Variants in GAB3 observed in about 807,000 individuals in gnomAD.
The protein encoded by GAB3 is GRB2-associated-binding protein 3.
Under a neutral mutation model 40.4 loss-of-function variants are expected in GAB3, and 12 were observed. That is an observed-to-expected ratio of 0.30 (90% CI 0.19 to 0.48). The LOEUF is 0.48. Ranked by LOEUF, GAB3 falls within the 20% of genes least tolerant of loss-of-function variation. The pLI is 0.99. For synonymous variants in GAB3, 154 were observed against 176.7 expected, an observed-to-expected ratio of 0.87 and a Z score of 1.02; for missense variants, 381 against 461.9, an observed-to-expected ratio of 0.82 and a Z score of 1.61.
rs2070300394 is a variant in GAB3 at position 154,676,571 on chromosome X, T to C, written c.*1607A>G. 1 of 112,122 alleles carries C rather than the reference T, an allele frequency of 8.9e-6. No individual in the cohort carries two copies. The highest frequency in any genetic ancestry group is 1.9e-5 in the Non-Finnish European group (1 of 53,218). The allele number at this position is 112,122 out of a possible 1,213,427, so 9.2% of individuals were successfully genotyped here. On this transcript the variant is annotated 3_prime_UTR_variant, in exon 10 of 10. Transcript: ENST00000424127. ...CCACTTTGTCCAAGGAAGAAAATAA[T>C]GTCACCAGAACCTGCTTCTTTGAAA...
rs1557245903 is a variant in GAB3 at position 154,677,838 on chromosome X, A to T, written c.*340T>A. 7.2e-6 allele frequency: 2 copies of T among 276,028 alleles called. No homozygotes were observed. The highest frequency in any genetic ancestry group is 5.6e-5 in the African/African-American group (2 of 35,808). 22.7% of individuals were successfully genotyped at this position (276,028 alleles called of 1,213,427 possible). A position where few individuals can be genotyped will look rare whatever the true frequency, so the allele number is the denominator to read the frequency against. Reference sequence around the variant, plus strand: ...TAATTTATCATTCTCATTGAAGCACAGGAGAGAAGTCAGAATTTCAGGTAT... The same window carrying T: ...TAATTTATCATTCTCATTGAAGCACTGGAGAGAAGTCAGAATTTCAGGTAT... On this transcript the variant is annotated 3_prime_UTR_variant, in exon 10 of 10. Transcript: ENST00000424127.
intron 1 of GAB3, among the ~76,000 whole-genome samples, chrX:154,746,917 T>A (rs2071537451): frequency 8.9e-6 from 1 of 112,941 alleles, no homozygotes; most frequent in Non-Finnish European, 1.9e-5. Context: ...AAAGCTACAG[T>A]CATTAGTCAT....
chrX:154,697,065 A>T (rs1258730690), intron 7 of GAB3, 67 bp downstream of exon 7: 12 of 911,864 alleles, frequency 1.3e-5, no homozygotes, highest in Non-Finnish European at 1.9e-5. Context: ...AACTACATTT[A>T]ATCAGAGGCC....
At chrX:154,689,567 G>C (rs1386882313) in intron 8 of GAB3, among the ~76,000 whole-genome samples, 30 of 93,977 alleles carry the variant, frequency 3.2e-4, no homozygotes, top group Admixed American at 3.6e-4. Flanking sequence ...CTTCAGCAAA[G>C]TCTCAGGATA....
At chrX:154,722,596 T>C (rs1234927088) in intron 1 of GAB3, among the ~76,000 whole-genome samples, 3 of 112,183 alleles carry the variant, frequency 2.7e-5, no homozygotes, top group Non-Finnish European at 5.6e-5. Context: ...AAATTTACTT[T>C]TAAAAAGAAA....
intron 8 of GAB3, among the ~76,000 whole-genome samples, chrX:154,683,312 T>A (rs1378392613): frequency 8.9e-6 from 1 of 112,449 alleles, no homozygotes; most frequent in African/African-American, 3.2e-5. Flanking sequence ...AACTCAATTG[T>A]AATGGTCTGG....
In GAB3 at chrX:154,678,195, T is replaced by G; in HGVS notation, c.1747A>C (p.Arg583=). The change falls in exon 10 of 10, where the codon AGG becomes CGG. Residue 583 remains arginine, a synonymous_variant. Coordinates refer to ENST00000424127, the MANE Select transcript of GAB3 (RefSeq NM_001081573.3). The stretch of plus-strand genomic sequence containing the variant: ...CGCACCTCTCATACTTTGGATTGCC[T>G]TTCATCCGTCCACTCCTGTTTTGTG... The part of the protein sequence containing the change: ...QSTKQEWTDE[R]QSKV 8.5e-7 allele frequency: 1 copy of G among 1,177,519 alleles called. No homozygotes were observed. The highest frequency in any genetic ancestry group is 1.2e-6 in the Non-Finnish European group (1 of 865,975).
At chrX:154,727,481 T>G (rs1157439875) in intron 1 of GAB3, among the ~76,000 whole-genome samples, 1 of 112,965 alleles carries the variant, frequency 8.9e-6, no homozygotes, top group African/African-American at 3.2e-5. Flanking sequence ...TTGATCACTG[T>G]TTTATCCTCT....
chrX:154,728,030 G>C (rs1557259540), intron 1 of GAB3, among the ~76,000 whole-genome samples: 2 of 111,633 alleles, frequency 1.8e-5, no homozygotes, highest in Admixed American at 1.9e-4. Flanking sequence ...AATCTCTGAG[G>C]CTGTAAAGAG....
chrX:154,714,073 G>A (rs1557257147), intron 2 of GAB3, among the ~76,000 whole-genome samples: 2 of 109,475 alleles, frequency 1.8e-5, no homozygotes, highest in Non-Finnish European at 3.8e-5. Flanking sequence ...GGCTGGAAAA[G>A]TCCATTTCTT....
chrX:154,706,322 A>G (rs1358401472), intron 4 of GAB3, among the ~76,000 whole-genome samples: 1 of 109,200 alleles, frequency 9.2e-6, no homozygotes, highest in Non-Finnish European at 1.9e-5. Context: ...AGGCTGAGGC[A>G]GGAGAATCGC....
At chrX:154,688,257 G>A (rs1569557200) in intron 8 of GAB3, among the ~76,000 whole-genome samples, 1 of 110,033 alleles carries the variant, frequency 9.1e-6, no homozygotes, top group African/African-American at 3.3e-5. Flanking sequence ...ATCCATTGGA[G>A]GACTTGGGTT....
chrX:154,751,295 TG>T (rs1358777693), upstream of GAB3, among the ~76,000 whole-genome samples: 10 of 59,902 alleles, frequency 1.7e-4, no homozygotes, highest in African/African-American at 5.2e-4. Flanking sequence ...GGGGGGGGGG[TG>T]TGGGGGGGGG....
intron 1 of GAB3, among the ~76,000 whole-genome samples, chrX:154,728,809 G>T (rs1196008146): frequency 1.8e-5 from 2 of 112,361 alleles, no homozygotes; most frequent in Non-Finnish European, 3.8e-5. Flanking sequence ...AACAGTCTTG[G>T]CATACAATAC....
At chrX:154,710,620 C>T (rs1184199684) in intron 4 of GAB3, among the ~76,000 whole-genome samples, 4 of 111,644 alleles carry the variant, frequency 3.6e-5, no homozygotes, top group Non-Finnish European at 7.5e-5. Context: ...TCTGCCACCA[C>T]GTACCAACAC....
At chrX:154,729,506 T>C (rs1405204902) in intron 1 of GAB3, among the ~76,000 whole-genome samples, 1 of 111,470 alleles carries the variant, frequency 9.0e-6, no homozygotes, top group Non-Finnish European at 1.9e-5. Context: ...TGACGGAAGA[T>C]GAAGCTAGAG....
chrX:154,698,316 C>G (rs1373317408), intron 6 of GAB3, among the ~76,000 whole-genome samples: 2 of 112,044 alleles, frequency 1.8e-5, no homozygotes, highest in Non-Finnish European at 3.8e-5. Flanking sequence ...TCTTCCTCCC[C>G]CTCAGACTGA....
intron 5 of GAB3, among the ~76,000 whole-genome samples, 172 bp from the exon 6 acceptor site, chrX:154,699,685 C>T (rs1298129331): frequency 2.7e-5 from 3 of 112,407 alleles, no homozygotes; most frequent in African/African-American, 6.5e-5. Context: ...CTGGACTTAT[C>T]GTTTTAGTAT....
At position 154,712,655 on chromosome X, in the gene GAB3, C is replaced by G; in HGVS notation, c.643G>C (p.Glu215Gln). The change falls in exon 4 of 10, where the codon GAA becomes CAA. Residue 215 changes from glutamate (E) to glutamine (Q), a missense_variant. Coordinates refer to ENST00000424127, the MANE Select transcript of GAB3 (RefSeq NM_001081573.3). ...AAAACATCATCAAATGAAGCCTGTTCCAATGAACGGTCTGAGTTTGACCAG... is the reference window on the plus strand; with the variant it reads ...AAAACATCATCAAATGAAGCCTGTTGCAATGAACGGTCTGAGTTTGACCAG... ...DSWSNSDRSL[E>Q]QASFDDVFVD... 1 of 1,134,699 alleles carries G rather than the reference C, an allele frequency of 8.8e-7. No individual in the cohort carries two copies. Among genetic ancestry groups the G allele is most frequent in the Non-Finnish European group, 1.2e-6 (1 of 858,981 alleles). 93.5% of individuals were successfully genotyped at this position (1,134,699 alleles called of 1,213,427 possible). A position where few individuals can be genotyped will look rare whatever the true frequency, so the allele number is the denominator to read the frequency against.
Sources: allele counts gnomAD v4.1 joint callset (sites outside exome capture counted in the v4.1 genomes callset), GRCh38; gene constraint gnomAD v4.1.1; transcripts MANE v1.5; gene names NCBI Gene and HGNC (gene_info 2026-07-23, HGNC 2026-07-21).